The following LARP1 variants were observed in gnomAD, a reference collection of about 807,000 sequenced individuals.
LARP1 encodes the protein la-related protein 1.
Under a neutral mutation model 122.7 loss-of-function variants are expected in LARP1, and 36 were observed. That is an observed-to-expected ratio of 0.29 (90% CI 0.22 to 0.39). The LOEUF is 0.39. Ranked by LOEUF, LARP1 falls within the 10% of genes least tolerant of loss-of-function variation. The pLI is 1.00. For missense variants in LARP1, 1,040 were observed against 1,403.6 expected, an observed-to-expected ratio of 0.74 and a Z score of 4.14; for synonymous variants, 539 against 528.7, an observed-to-expected ratio of 1.02 and a Z score of -0.27.
intron 1 of LARP1, among the ~76,000 whole-genome samples, chr5:154,717,307 C>G (rs535345718): frequency 7.9e-5 from 12 of 152,152 alleles, no homozygotes; most frequent in South Asian, 2.1e-4. Flanking sequence ...TGATGCCAGC[C>G]TGGCCCCACA....
chr5:154,799,785 G>T, intron 9 of LARP1, 26 bp downstream of exon 9: 1 of 1,613,484 alleles, frequency 6.2e-7, no homozygotes, highest in Non-Finnish European at 8.5e-7. Flanking sequence ...CATGAAGATT[G>T]CCCTTGTCCT....
intron 1 of LARP1, among the ~76,000 whole-genome samples, chr5:154,756,772 G>A (rs1753960487): frequency 6.6e-6 from 1 of 152,194 alleles, no homozygotes; most frequent in African/African-American, 2.4e-5. Context: ...GACGGGTTGA[G>A]GGGTCAGTTG....
chr5:154,761,650 G>A (rs556860253), intron 1 of LARP1, among the ~76,000 whole-genome samples: 1 of 152,326 alleles, frequency 6.6e-6, no homozygotes, highest in East Asian at 1.9e-4. Context: ...CTGGTCCAGA[G>A]TGATCTAAGG....
intron 1 of LARP1, among the ~76,000 whole-genome samples, chr5:154,695,906 A>G (rs537289495): frequency 1.3e-5 from 2 of 152,260 alleles, no homozygotes; most frequent in East Asian, 1.9e-4. Flanking sequence ...TTGCTGGCAT[A>G]CATCACCTCC....
chr5:154,787,478 A>G (rs1756982629), intron 1 of LARP1, among the ~76,000 whole-genome samples: 1 of 152,158 alleles, frequency 6.6e-6, no homozygotes, highest in Admixed American at 6.5e-5. Context: ...TGAGATGGAT[A>G]ATTGAATTCA....
intron 1 of LARP1, among the ~76,000 whole-genome samples, chr5:154,730,314 G>C (rs200742750): frequency 6.6e-6 from 1 of 151,504 alleles, no homozygotes; most frequent in East Asian, 1.9e-4. Context: ...TCAGCCTCCC[G>C]AGTAGCTGCG....
intron 1 of LARP1, among the ~76,000 whole-genome samples, chr5:154,748,797 C>T (rs749341854): frequency 1.3e-5 from 2 of 152,130 alleles, no homozygotes; most frequent in Non-Finnish European, 2.9e-5. Context: ...TAAATATTTT[C>T]CTAAAGTCAC....
chr5:154,756,184 T>TC lies in LARP1; in HGVS notation c.434dup (p.Glu146ArgfsTer15), dbSNP rs776106219. On this transcript the variant is annotated frameshift_variant, in exon 1 of 19. Coordinates refer to ENST00000518297, the MANE Select transcript of LARP1 (RefSeq NM_033551.3). LOFTEE classifies it high-confidence loss of function. ...GGTCCTGACCACCGTGAACGGACAG[T>TC]CCCCCCCAGGTGGGTCTCCCTCCTT... is the stretch of plus-strand genomic sequence containing the variant. 26 of 1,300,418 alleles carry TC rather than the reference T, an allele frequency of 2.0e-5. No individual in the cohort carries two copies. Among genetic ancestry groups the TC allele is most frequent in the Middle Eastern group, 2.3e-4 (1 of 4,436 alleles). The allele number at this position is 1,300,418 out of a possible 1,614,324, so 80.6% of individuals were successfully genotyped here.
At position 154,813,926 on chromosome 5, in the gene LARP1, G is replaced by A. The variant is rs750394519; in HGVS notation, c.3121G>A (p.Val1041Met). The A allele has an allele frequency of 3.7e-6, 6 of 1,614,108 alleles. No individual in the cohort carries two copies. Among genetic ancestry groups the A allele is most frequent in the East Asian group, 2.2e-5 (1 of 44,874 alleles). The stretch of plus-strand genomic sequence containing the variant: ...GGAGGGCAACCACAAGCGACACTCA[G>A]TGGTAGCAGGAGGTGGCGGCGGTGA... ...GEEGNHKRHS[V>M]VAGGGGGEGR... Residue 1041 changes from valine to methionine, a missense_variant, in exon 19 of 19, where the codon GTG becomes ATG. By Grantham distance (21) the Val-to-Met change is conservative. Transcript: ENST00000518297.
chr5:154,757,019 G>C (rs1753994730), intron 1 of LARP1, among the ~76,000 whole-genome samples: 1 of 148,360 alleles, frequency 6.7e-6, no homozygotes, highest in Non-Finnish European at 1.5e-5. Flanking sequence ...CGCCGCGCCG[G>C]CGGCCCGCGG....
At chr5:154,691,638 G>A (rs1286404857) in intron 1 of LARP1, among the ~76,000 whole-genome samples, 2 of 152,186 alleles carry the variant, frequency 1.3e-5, no homozygotes. Flanking sequence ...CACAAGGTCA[G>A]GGAGGATCTT....
intron 15 of LARP1, among the ~76,000 whole-genome samples, chr5:154,808,004 T>C (rs1758929079): frequency 6.6e-6 from 1 of 152,246 alleles, no homozygotes; most frequent in African/African-American, 2.4e-5. Context: ...ATGATATTCA[T>C]TTTCTCTTGT....
rs568331524 is a variant in LARP1, at chr5:154,791,387, T to C, written c.564+677T>C. ...CACCATCATGCCTGGCTAATTTTTG[T>C]ATATTTTAGAGACGAGGTTTTACCA... is the stretch of plus-strand genomic sequence containing the variant. On this transcript the variant is annotated intron_variant, in intron 3 of 18. Coordinates refer to ENST00000518297, the MANE Select transcript of LARP1 (RefSeq NM_033551.3). 1.2e-3 allele frequency among the ~76,000 whole-genome samples: 177 copies of C among 152,102 alleles called. 1 individual carries two copies. Among genetic ancestry groups the C allele is most frequent in the African/African-American group, 4.1e-3 (168 of 41,476 alleles).
chr5:154,734,991 A>G (rs577782010), intron 1 of LARP1, among the ~76,000 whole-genome samples: 3 of 152,302 alleles, frequency 2.0e-5, no homozygotes, highest in African/African-American at 4.8e-5. Flanking sequence ...GTTGCAACAT[A>G]TAACATGATT....
At chr5:154,750,332 C>T (rs1561563399) in intron 1 of LARP1, among the ~76,000 whole-genome samples, 1 of 151,998 alleles carries the variant, frequency 6.6e-6, no homozygotes, top group African/African-American at 2.4e-5. Flanking sequence ...TGCAGTGGTG[C>T]AATCATGGCT....
chr5:154,705,556 T>C (rs1381555768), intron 1 of LARP1: 3 of 152,006 alleles, frequency 2.0e-5, no homozygotes, highest in African/African-American at 4.8e-5. Flanking sequence ...ATTTTTCTAA[T>C]AAAGACCAGG....
chr5:154,776,626 A>T (rs1270454626), intron 1 of LARP1, among the ~76,000 whole-genome samples: 1 of 152,220 alleles, frequency 6.6e-6, no homozygotes, highest in Non-Finnish European at 1.5e-5. Context: ...CAGGAAGCAT[A>T]CAACTGCAGG....
chr5:154,777,253 C>A (rs1755982314), intron 1 of LARP1, among the ~76,000 whole-genome samples: 1 of 152,024 alleles, frequency 6.6e-6, no homozygotes, highest in African/African-American at 2.4e-5. Flanking sequence ...GTAATCCCAG[C>A]ACTTCCCAGC....
intron 1 of LARP1, among the ~76,000 whole-genome samples, chr5:154,691,935 C>G (rs1247834495): frequency 6.6e-6 from 1 of 152,016 alleles, no homozygotes; most frequent in Non-Finnish European, 1.5e-5. Context: ...GACTACAGGC[C>G]TGCGCCACCA....
Sources: allele counts gnomAD v4.1 joint callset (sites outside exome capture counted in the v4.1 genomes callset), GRCh38; gene constraint gnomAD v4.1.1; transcripts MANE v1.5; gene names NCBI Gene and HGNC (gene_info 2026-07-23, HGNC 2026-07-21).